Variants in RUVBL1 observed in about 807,000 individuals in gnomAD.
The protein encoded by RUVBL1 is RuvB like AAA ATPase 1.
A neutral mutation model predicts 52.4 loss-of-function variants in RUVBL1; 4 were observed. The observed-to-expected ratio is 0.08, with a 90% CI of 0.04 to 0.17. The LOEUF (loss-of-function observed/expected upper bound fraction) is 0.17. Ranked by LOEUF, RUVBL1 falls within the 10% of genes least tolerant of loss-of-function variation. RUVBL1 has a pLI of 1.00. For synonymous variants in RUVBL1, 217 were observed against 214.4 expected (o/e 1.01, Z -0.10); for missense variants, 298 against 572.8 (o/e 0.52, Z 4.90).
intron 7 of RUVBL1, among the ~76,000 whole-genome samples, chr3:128,098,174 G>A (rs1038381370): frequency 6.6e-6 from 1 of 152,122 alleles, no homozygotes; most frequent in African/African-American, 2.4e-5. Context: ...ATCATCAGGA[G>A]GGAGCAGCTC....
intron 9 of RUVBL1, among the ~76,000 whole-genome samples, chr3:128,086,453 C>T (rs756175504): frequency 1.3e-5 from 2 of 152,238 alleles, no homozygotes; most frequent in Non-Finnish European, 2.9e-5. Flanking sequence ...CCAGGCAAAG[C>T]GCATCGAGAC....
intron 8 of RUVBL1, among the ~76,000 whole-genome samples, chr3:128,088,394 T>C (rs1404761500): frequency 6.7e-6 from 1 of 148,906 alleles, no homozygotes; most frequent in Non-Finnish European, 1.5e-5. Context: ...CAAACATTCA[T>C]ATATAAACAA....
At chr3:128,127,847 A>G (rs75073722), upstream of RUVBL1, among the ~76,000 whole-genome samples, 1 of 152,090 alleles carries the variant, frequency 6.6e-6, no homozygotes, top group African/African-American at 2.4e-5. Context: ...AAATACAAAA[A>G]TTAGCCAGGC....
intron 6 of RUVBL1, among the ~76,000 whole-genome samples, chr3:128,100,208 G>A (rs1240747725): frequency 6.6e-6 from 1 of 152,228 alleles, no homozygotes; most frequent in Non-Finnish European, 1.5e-5. Context: ...CTTTTGCTAA[G>A]CAGGGGGAAA....
chr3:128,152,350 C>T (rs1944233407), intron 1 of RUVBL1, among the ~76,000 whole-genome samples: 1 of 152,162 alleles, frequency 6.6e-6, no homozygotes, highest in Admixed American at 6.5e-5. Flanking sequence ...TTGTCCTCTT[C>T]CATCTTCAAA....
chr3:128,092,478 A>C (rs969042052), intron 8 of RUVBL1, among the ~76,000 whole-genome samples: 5 of 152,156 alleles, frequency 3.3e-5, no homozygotes, highest in Admixed American at 6.6e-5. Context: ...TATCCAGAAT[A>C]TATAAAGAAC....
upstream of RUVBL1, among the ~76,000 whole-genome samples, chr3:128,128,222 A>G (rs986445859): frequency 2.6e-5 from 4 of 152,142 alleles, no homozygotes; most frequent in African/African-American, 9.7e-5. Context: ...TCCTGAACTC[A>G]AGCAATCCTC....
At chr3:128,124,370 A>G (rs948847494), upstream of RUVBL1, among the ~76,000 whole-genome samples, 4 of 151,974 alleles carry the variant, frequency 2.6e-5, no homozygotes, top group African/African-American at 9.7e-5. Flanking sequence ...AGTTTTCAAA[A>G]TTCCACAGCC....
At chr3:128,113,773 A>G (rs189001333) in intron 2 of RUVBL1, among the ~76,000 whole-genome samples, 13 of 152,332 alleles carry the variant, frequency 8.5e-5, no homozygotes, top group African/African-American at 2.9e-4. Flanking sequence ...TGTTCTCTCA[A>G]TATCAATATA....
intron 1 of RUVBL1, among the ~76,000 whole-genome samples, chr3:128,148,701 T>G (rs1944140309): frequency 6.6e-6 from 1 of 152,224 alleles, no homozygotes; most frequent in Non-Finnish European, 1.5e-5. Flanking sequence ...TATCCATCTC[T>G]TATGTATCCT....
At chr3:128,117,769 AT>A (rs1370789273) in intron 2 of RUVBL1, among the ~76,000 whole-genome samples, 2 of 152,130 alleles carry the variant, frequency 1.3e-5, no homozygotes, top group South Asian at 2.1e-4. Context: ...TAATACTCAG[AT>A]TCAAGAAGCA....
At chr3:128,147,950 G>A (rs1944128376) in intron 1 of RUVBL1, among the ~76,000 whole-genome samples, 2 of 152,120 alleles carry the variant, frequency 1.3e-5, no homozygotes, top group Admixed American at 6.5e-5. Flanking sequence ...ACAACAACAT[G>A]GATAAATCTC....
At chr3:128,119,720 C>T (rs1171140200) in intron 1 of RUVBL1, among the ~76,000 whole-genome samples, 1 of 152,218 alleles carries the variant, frequency 6.6e-6, no homozygotes, top group Non-Finnish European at 1.5e-5. Context: ...CCTGGAGTGT[C>T]TTTCTGATGA....
At chr3:128,111,543 A>G (rs1481869900) in intron 3 of RUVBL1, among the ~76,000 whole-genome samples, 1 of 152,006 alleles carries the variant, frequency 6.6e-6, no homozygotes, top group African/African-American at 2.4e-5. Flanking sequence ...TTGCACTTCC[A>G]CTGCCACCAC....
intron 2 of RUVBL1, among the ~76,000 whole-genome samples, chr3:128,117,864 A>C (rs1943562469): frequency 6.6e-6 from 1 of 152,194 alleles, no homozygotes; most frequent in African/African-American, 2.4e-5. Context: ...TATCTCAAAA[A>C]CATGCAGAAA....
At chr3:128,078,387 G>C (rs1942387708), downstream of RUVBL1, among the ~76,000 whole-genome samples, 2 of 152,224 alleles carry the variant, frequency 1.3e-5, no homozygotes, top group African/African-American at 4.8e-5. Context: ...CAGGGCACAA[G>C]GTGGTTTCCC....
chr3:128,128,358 A>G (rs141913451), upstream of RUVBL1, among the ~76,000 whole-genome samples: 984 of 152,316 alleles, frequency 6.5e-3, 6 homozygotes, highest in Middle Eastern at 0.014. Context: ...CAGTGGATCA[A>G]ACAAGAGAGA....
At position 128,136,334 on chromosome 3, in the gene RUVBL1, T is replaced by A. The variant is rs142087200; in HGVS notation, c.-40+16869A>T. Among the ~76,000 whole-genome samples, 6 of 151,800 alleles carry A rather than the reference T, an allele frequency of 4.0e-5. No homozygotes were observed. The East Asian group carries it at 1.2e-3, about 29-fold the overall frequency. On this transcript the variant is annotated intron_variant, in intron 1 of 9. Coordinates refer to the RUVBL1 transcript ENST00000464873. ...AAAAGACACAGAGTAGCTGAATGGA[T>A]TGAAAAAACAAGACCTGCCAGGTGT...
At chr3:128,093,033 A>G (rs1300942292) in intron 8 of RUVBL1, among the ~76,000 whole-genome samples, 1 of 151,880 alleles carries the variant, frequency 6.6e-6, no homozygotes, top group African/African-American at 2.4e-5. Flanking sequence ...AAAGAAAAAG[A>G]AAGAAAGAAA....
Sources: allele counts gnomAD v4.1 joint callset (sites outside exome capture counted in the v4.1 genomes callset), GRCh38; gene constraint gnomAD v4.1.1; transcripts MANE v1.5; gene names NCBI Gene and HGNC (gene_info 2026-07-23, HGNC 2026-07-21).